Variants in ABCG2 observed in about 807,000 individuals in gnomAD.
ABCG2 encodes ATP binding cassette subfamily G member 2 (JR blood group).
Under a neutral mutation model 73.5 loss-of-function variants are expected in ABCG2, and 80 were observed. The ratio of observed to expected loss-of-function variants is 1.09; its 90% CI spans 0.91 to 1.31. The LOEUF (loss-of-function observed/expected upper bound fraction) is 1.31. ABCG2 is among the 50% of genes most tolerant of loss of function. The pLI, the probability that ABCG2 is intolerant of heterozygous loss-of-function variation, is 0.00. For missense variants in ABCG2, 796 were observed against 786.2 expected (o/e 1.01, Z -0.15); for synonymous variants, 269 against 282.4 (o/e 0.95, Z 0.48).
At chr4:88,137,350 T>TA (rs930355213) in intron 2 of ABCG2, among the ~76,000 whole-genome samples, 19 of 152,314 alleles carry the variant, frequency 1.2e-4, no homozygotes, top group Middle Eastern at 3.4e-3. Context: ...TGGTGAAGTT[T>TA]AATGTAGAAT....
chr4:88,163,988 C>G, upstream of ABCG2: 1 of 152,776 alleles, frequency 6.5e-6, no homozygotes, highest in Non-Finnish European at 1.5e-5. Flanking sequence ...TCAAATACAT[C>G]AAATAAGTTA....
upstream of ABCG2, chr4:88,158,840 C>G (rs946431773): frequency 3.0e-6 from 1 of 333,458 alleles, no homozygotes; most frequent in African/African-American, 2.3e-5. Context: ...ATCCAGGGGA[C>G]GAGCTCAGGC....
At position 88,175,196 on chromosome 4, in the gene ABCG2, G is replaced by A. The variant is rs113285135; in HGVS notation, c.-19-35182C>T. 4.4e-3 allele frequency among the ~76,000 whole-genome samples: 670 copies of A among 152,262 alleles called. 7 individuals are homozygous for A. The highest frequency in any genetic ancestry group is 0.015 in the African/African-American group (638 of 41,546). On this transcript the variant is annotated intron_variant, in intron 1 of 15. Transcript: ENST00000515655. ...TACATGATTGCGTCTTAATAGTTTC[G>A]TTAACCACATCCTTTTGCCTTCCAT... is the stretch of plus-strand genomic sequence containing the variant.
At chr4:88,170,841 A>G (rs527757373) in intron 1 of ABCG2, among the ~76,000 whole-genome samples, 73 of 152,354 alleles carry the variant, frequency 4.8e-4, no homozygotes, top group African/African-American at 1.7e-3. Flanking sequence ...TATCAACCTA[A>G]ATGCCCATAA....
intron 1 of ABCG2, among the ~76,000 whole-genome samples, chr4:88,208,305 T>TACATAGCAAGGATACATACAAG (rs1277668964): frequency 6.6e-6 from 1 of 152,194 alleles, no homozygotes; most frequent in Non-Finnish European, 1.5e-5. Context: ...CATAGCTGGA[T>TACATAGCAAGGATACATACAAG]GATAAGGGTA....
Position 88,107,272 on chromosome 4 carries a change from C to T in ABCG2, c.1195-6G>A. 1 of 1,584,952 alleles carries T rather than the reference C, an allele frequency of 6.3e-7. No individual in the cohort carries two copies. On this transcript the variant is annotated splice_region_variant and splice_polypyrimidine_tract_variant and intron_variant, in intron 9 of 15. Coordinates refer to ENST00000237612, the MANE Select transcript of ABCG2 (RefSeq NM_004827.3). ...AGTACGACTGTGACAATGATCTTTT[C>T]AAAAAGAAAAATGCAAAAAAAGGGG... is the stretch of plus-strand genomic sequence containing the variant.
Position 88,101,292 on chromosome 4 carries a change from G to A in ABCG2, c.1305C>T (p.Thr435=), listed in dbSNP as rs1409307310. ...NRAGVLFFLT[T]NQCFSSVSAV... ...CTGAAACACTGCTGAAACACTGGTT[G>A]GTCGTCAGGAAGAAGAGAACCCCAG... is the stretch of plus-strand genomic sequence containing the variant. Residue 435 remains threonine (T), a synonymous_variant, in exon 11 of 16, where the codon ACC becomes ACT. Coordinates refer to ENST00000237612, the MANE Select transcript of ABCG2 (RefSeq NM_004827.3). 3 of 1,613,988 alleles carry A rather than the reference G, an allele frequency of 1.9e-6. No individual in the cohort carries two copies. The highest frequency in any genetic ancestry group is 1.6e-4 in the Middle Eastern group (1 of 6,084).
intron 1 of ABCG2, among the ~76,000 whole-genome samples, chr4:88,227,683 G>T (rs1730278560): frequency 6.6e-6 from 1 of 152,130 alleles, no homozygotes; most frequent in African/African-American, 2.4e-5. Flanking sequence ...AGTTTGAGAA[G>T]CATTACTGTC....
At chr4:88,195,407 G>A (rs77253689) in intron 1 of ABCG2, among the ~76,000 whole-genome samples, 4,841 of 152,206 alleles carry the variant, frequency 0.032, 152 homozygotes, top group Admixed American at 0.061. Context: ...AAAACAGATA[G>A]GGTCCATATA....
intron 1 of ABCG2, among the ~76,000 whole-genome samples, chr4:88,222,289 C>T (rs1730039048): frequency 6.6e-6 from 1 of 152,232 alleles, no homozygotes; most frequent in Non-Finnish European, 1.5e-5. Flanking sequence ...CAGAAGTCTG[C>T]TTCTGGGACA....
chr4:88,154,485 G>C (rs1726781825), intron 1 of ABCG2, among the ~76,000 whole-genome samples: 1 of 152,172 alleles, frequency 6.6e-6, no homozygotes, highest in African/African-American at 2.4e-5. Flanking sequence ...AGTGGAGGGG[G>C]GCAGAGTGGT....
rs143397063 is a variant in ABCG2 at position 88,121,690 on chromosome 4, G to C, written c.634C>G (p.Pro212Ala). 9.3e-6 allele frequency: 15 copies of C among 1,614,080 alleles called. No individual in the cohort carries two copies. Among genetic ancestry groups the C allele is most frequent in the South Asian group, 2.2e-5 (2 of 91,074 alleles). The change falls in exon 6 of 16, where the codon CCT becomes GCT. Residue 212 changes from proline (P) to alanine (A), a missense_variant. Transcript: ENST00000237612. ...TDPSILFLDE[P>A]TTGLDSSTAN... ...GTGCTTGAGTCTAAGCCAGTTGTAG[G>C]CTCATCCAAGAACAAGATGGAAGGA...
intron 1 of ABCG2, among the ~76,000 whole-genome samples, chr4:88,177,344 G>T (rs1003395022): frequency 2.6e-5 from 4 of 151,620 alleles, no homozygotes; most frequent in Non-Finnish European, 5.9e-5. Context: ...CGGCACTCCA[G>T]CCTGGGCGAC....
chr4:88,230,557 T>C (rs1396317682), intron 1 of ABCG2, among the ~76,000 whole-genome samples: 2 of 151,832 alleles, frequency 1.3e-5, no homozygotes, highest in African/African-American at 4.8e-5. Context: ...TAATCTGGCT[T>C]ACCACACCTA....
At chr4:88,201,243 A>T (rs1177411385) in intron 1 of ABCG2, among the ~76,000 whole-genome samples, 1 of 150,984 alleles carries the variant, frequency 6.6e-6, no homozygotes, top group Non-Finnish European at 1.5e-5. Context: ...GGACATAATC[A>T]CTAATATCAG....
chr4:88,117,016 T>A (rs1395051753), intron 7 of ABCG2, among the ~76,000 whole-genome samples: 1 of 152,146 alleles, frequency 6.6e-6, no homozygotes, highest in Admixed American at 6.5e-5. Flanking sequence ...AAAGCTGCAA[T>A]CTATAGTTAC....
intron 1 of ABCG2, among the ~76,000 whole-genome samples, chr4:88,146,392 GC>G (rs1044967216): frequency 2.6e-5 from 4 of 151,444 alleles, no homozygotes; most frequent in African/African-American, 9.7e-5. Flanking sequence ...TATGACTGAG[GC>G]TTTTTTTTTT....
intron 9 of ABCG2, among the ~76,000 whole-genome samples, chr4:88,109,604 C>A (rs1279477672): frequency 3.9e-5 from 6 of 152,296 alleles, no homozygotes; most frequent in East Asian, 1.9e-4. Context: ...GTTCAGAAAA[C>A]CCTTGGCACC....
intron 1 of ABCG2, among the ~76,000 whole-genome samples, chr4:88,151,817 A>G (rs1223181848): frequency 2.0e-5 from 3 of 152,252 alleles, no homozygotes; most frequent in African/African-American, 7.2e-5. Flanking sequence ...GAGACCTACA[A>G]TAAAAAACAT....
Sources: gnomAD v4.1 joint callset for allele counts (sites outside exome capture counted in the v4.1 genomes callset) on GRCh38, gnomAD v4.1.1 for gene constraint, MANE v1.5 for transcripts, NCBI Gene and HGNC (gene_info 2026-07-23, HGNC 2026-07-21) for gene names.